SIL1: variants seen among roughly 807,000 people sequenced by gnomAD.
SIL1 encodes the protein SIL1 nucleotide exchange factor, also known as nucleotide exchange factor SIL1.
SIL1 carries 40 observed loss-of-function variants against 49.1 expected under a neutral mutation model. The ratio of observed to expected loss-of-function variants is 0.81; its 90% CI spans 0.63 to 1.06. The LOEUF is 1.06. Among genes scored for constraint, SIL1 ranks in the 50% least tolerant of loss-of-function variants. The pLI, the probability that SIL1 is intolerant of heterozygous loss-of-function variation, is 0.00. For synonymous variants in SIL1, 253 were observed against 250.8 expected (o/e 1.01, Z -0.08); for missense variants, 500 against 572.6 (o/e 0.87, Z 1.29).
intron 7 of SIL1, among the ~76,000 whole-genome samples, chr5:139,010,571 G>GT (rs1472311608): frequency 1.3e-5 from 2 of 151,492 alleles, no homozygotes; most frequent in Non-Finnish European, 1.5e-5. Flanking sequence ...TTTCTGTTCT[G>GT]TTTTTTCCCC....
chr5:138,992,201 T>C (rs79230946), intron 7 of SIL1, among the ~76,000 whole-genome samples: 305 of 152,242 alleles, frequency 2.0e-3, no homozygotes, highest in African/African-American at 7.1e-3. Flanking sequence ...ACCTATATCC[T>C]CCAGATATCC....
At chr5:139,135,432 A>C (rs901154991) in intron 1 of SIL1, among the ~76,000 whole-genome samples, 1 of 152,218 alleles carries the variant, frequency 6.6e-6, no homozygotes, top group Non-Finnish European at 1.5e-5. Context: ...AGAGCTACAG[A>C]GAGCTACAAA....
intron 7 of SIL1, among the ~76,000 whole-genome samples, chr5:138,963,524 G>T: frequency 6.6e-6 from 1 of 152,196 alleles, no homozygotes; most frequent in South Asian, 2.1e-4. Context: ...AGCTGAAAAT[G>T]ACAACACTGA....
At chr5:139,131,938 A>C (rs1015299540) in intron 1 of SIL1, among the ~76,000 whole-genome samples, 4 of 152,164 alleles carry the variant, frequency 2.6e-5, no homozygotes, top group Non-Finnish European at 5.9e-5. Context: ...AAAAAGAATA[A>C]AGAATAGAAG....
chr5:139,151,549 T>C (rs1003062207), intron 1 of SIL1, among the ~76,000 whole-genome samples: 3 of 152,214 alleles, frequency 2.0e-5, no homozygotes, highest in African/African-American at 4.8e-5. Flanking sequence ...TGGTTTCTTT[T>C]CTAAGGAAAA....
chr5:139,044,775 G>A (rs1006825286), intron 4 of SIL1, among the ~76,000 whole-genome samples: 1 of 152,080 alleles, frequency 6.6e-6, no homozygotes, highest in African/African-American at 2.4e-5. Context: ...ATTCCCATCA[G>A]CACACCAATT....
chr5:139,195,359 A>G (rs1266439688), intron 1 of SIL1, among the ~76,000 whole-genome samples: 2 of 152,120 alleles, frequency 1.3e-5, no homozygotes, highest in African/African-American at 4.8e-5. Context: ...ACCACCCTTC[A>G]AAGTAAATAT....
At chr5:138,951,918 T>G in intron 7 of SIL1, 34 bp from the exon 8 acceptor site, 3 of 1,573,974 alleles carry the variant, frequency 1.9e-6, no homozygotes. Flanking sequence ...ATGACTACCC[T>G]GCCCAGCCCA....
At chr5:139,174,628 A>T (rs1208555280) in intron 1 of SIL1, among the ~76,000 whole-genome samples, 1 of 151,282 alleles carries the variant, frequency 6.6e-6, no homozygotes, top group Non-Finnish European at 1.5e-5. Flanking sequence ...GTACAGCAAG[A>T]CCCCATTTCA....
chr5:139,161,622 G>A (rs1751515403), intron 1 of SIL1, among the ~76,000 whole-genome samples: 2 of 152,148 alleles, frequency 1.3e-5, no homozygotes, highest in Non-Finnish European at 2.9e-5. Context: ...AGGTCTTTGA[G>A]CACCAATAAC....
chr5:138,954,177 TTAGAG>T (rs1766849335), intron 7 of SIL1, among the ~76,000 whole-genome samples: 1 of 152,120 alleles, frequency 6.6e-6, no homozygotes, highest in South Asian at 2.1e-4. Context: ...CCCACCCCAT[TTAGAG>T]TAGGAGAGAA....
At chr5:139,118,654 C>A (rs1750534636) in intron 3 of SIL1, among the ~76,000 whole-genome samples, 1 of 152,162 alleles carries the variant, frequency 6.6e-6, no homozygotes. Flanking sequence ...GGACTGGCTA[C>A]ATTCCTTTTA....
intron 3 of SIL1, among the ~76,000 whole-genome samples, chr5:139,098,300 T>C (rs1475362579): frequency 6.6e-6 from 1 of 152,148 alleles, no homozygotes; most frequent in Non-Finnish European, 1.5e-5. Flanking sequence ...ATACCTACAG[T>C]AAACTCATTT....
At chr5:139,178,682 T>C (rs986678422) in intron 1 of SIL1, among the ~76,000 whole-genome samples, 4 of 152,142 alleles carry the variant, frequency 2.6e-5, no homozygotes, top group African/African-American at 7.2e-5. Context: ...AAGCCTTCTA[T>C]GATACCCTCT....
At chr5:139,184,589 C>A (rs987632587) in intron 1 of SIL1, among the ~76,000 whole-genome samples, 2 of 152,110 alleles carry the variant, frequency 1.3e-5, no homozygotes, top group Admixed American at 1.3e-4. Context: ...GGGAGGATAT[C>A]TTGAGCCCAA....
Position 139,027,000 on chromosome 5 carries a change from G to C in SIL1, c.454-8C>G. ...TACCTCAGCCTGCCTTGCCTAAGGA[G>C]AGCAGCAAAGAGGTGATTAAATTGG... On this transcript the variant is annotated splice_polypyrimidine_tract_variant and splice_region_variant and intron_variant, in intron 5 of 9. Coordinates refer to ENST00000394817, the MANE Select transcript of SIL1 (RefSeq NM_022464.5). The C allele has an allele frequency of 3.1e-6, 5 of 1,614,050 alleles. No individual in the cohort carries two copies. Among genetic ancestry groups the C allele is most frequent in the Non-Finnish European group, 4.2e-6 (5 of 1,179,984 alleles).
At chr5:139,190,349 C>T (rs528427110) in intron 1 of SIL1, among the ~76,000 whole-genome samples, 1 of 152,278 alleles carries the variant, frequency 6.6e-6, no homozygotes, top group South Asian at 2.1e-4. Flanking sequence ...GAGGTAAGAG[C>T]AAGAGAAACA....
chr5:139,113,289 T>A (rs1034523688), intron 3 of SIL1, among the ~76,000 whole-genome samples: 5 of 149,944 alleles, frequency 3.3e-5, no homozygotes, highest in African/African-American at 1.2e-4. Context: ...CCAAGAATGA[T>A]CAATAAAAAA....
intron 3 of SIL1, among the ~76,000 whole-genome samples, chr5:139,079,000 G>A (rs1028223931): frequency 6.6e-6 from 1 of 152,188 alleles, no homozygotes; most frequent in Admixed American, 6.5e-5. Flanking sequence ...CTTGAAATGT[G>A]ACTAGTGATA....
Sources: allele counts gnomAD v4.1 joint callset (sites outside exome capture counted in the v4.1 genomes callset), GRCh38; gene constraint gnomAD v4.1.1; transcripts MANE v1.5; gene names NCBI Gene and HGNC (gene_info 2026-07-23, HGNC 2026-07-21).